The following SPAG17 variants were observed in gnomAD, a reference collection of about 807,000 sequenced individuals.
SPAG17 encodes the protein sperm-associated antigen 17.
SPAG17 carries 169 observed loss-of-function variants against 273.6 expected under a neutral mutation model. The ratio of observed to expected loss-of-function variants is 0.62; its 90% CI spans 0.55 to 0.70. The LOEUF is 0.70. Among genes scored for constraint, SPAG17 ranks in the 30% least tolerant of loss-of-function variants. The pLI, the probability that SPAG17 is intolerant of heterozygous loss-of-function variation, is 0.00. For synonymous variants in SPAG17, 825 were observed against 873.2 expected, an observed-to-expected ratio of 0.94 and a Z score of 0.97; for missense variants, 2,557 against 2,627.8, an observed-to-expected ratio of 0.97 and a Z score of 0.59.
intron 32 of SPAG17, among the ~76,000 whole-genome samples, chr1:117,998,880 G>A (rs186491959): frequency 7.9e-5 from 12 of 152,036 alleles, no homozygotes; most frequent in Middle Eastern, 3.4e-3. Context: ...GCACATGTGC[G>A]TGCAGGCTTG....
intron 1 of SPAG17, among the ~76,000 whole-genome samples, chr1:118,171,101 G>A (rs750861723): frequency 2.6e-5 from 4 of 152,116 alleles, no homozygotes; most frequent in African/African-American, 7.2e-5. Context: ...TATAATGAAG[G>A]CATGAGAATG....
intron 1 of SPAG17, among the ~76,000 whole-genome samples, chr1:118,175,574 C>CA (rs79880272): frequency 0.054 from 2,350 of 43,796 alleles, 23 homozygotes; most frequent in Admixed American, 0.07. Context: ...TTTCAAAGTA[C>CA]AAAAAAAAAA....
chr1:118,036,567 TTA>T (rs931658235), intron 24 of SPAG17: 1,137 of 306,892 alleles, frequency 3.7e-3, no homozygotes, highest in East Asian at 5.4e-3. Flanking sequence ...GTATAAAAGA[TTA>T]TATATATATA....
chr1:118,020,496 G>C (rs1439922642), intron 28 of SPAG17, among the ~76,000 whole-genome samples: 1 of 151,088 alleles, frequency 6.6e-6, no homozygotes, highest in African/African-American at 2.4e-5. Context: ...GGTTAAATTA[G>C]TGAAGATAGA....
chr1:118,147,019 T>C (rs1390771671), intron 3 of SPAG17, among the ~76,000 whole-genome samples: 1 of 152,204 alleles, frequency 6.6e-6, no homozygotes, highest in Non-Finnish European at 1.5e-5. Flanking sequence ...TCTTATACAC[T>C]TTACCTGTCT....
At chr1:118,062,831 A>T (rs1225456524) in intron 18 of SPAG17, among the ~76,000 whole-genome samples, 1 of 152,226 alleles carries the variant, frequency 6.6e-6, no homozygotes, top group Non-Finnish European at 1.5e-5. Context: ...CATTTAAAAA[A>T]CTGACTACAT....
At position 118,119,181 on chromosome 1, in the gene SPAG17, T is replaced by G. The variant is rs150944535; in HGVS notation, c.316-3740A>C. Among the ~76,000 whole-genome samples the G allele has an allele frequency of 1.4e-3, 219 of 152,100 alleles. 1 individual carries two copies. The highest frequency in any genetic ancestry group is 6.8e-3 in the Middle Eastern group (2 of 294). Reference sequence around the variant, plus strand: ...TATGCATATATGTGCATATATAAGATAGAGAGAGAGAGATAGAATGGACTC... The same window carrying G: ...TATGCATATATGTGCATATATAAGAGAGAGAGAGAGAGATAGAATGGACTC... On this transcript the variant is annotated intron_variant, in intron 3 of 48. Transcript: ENST00000336338.
intron 48 of SPAG17, chr1:117,962,424 A>T (rs1020875287): frequency 3.9e-5 from 6 of 152,170 alleles, no homozygotes; most frequent in African/African-American, 1.2e-4. Context: ...TATCTCTTGC[A>T]TATTGTGAAG....
At chr1:118,136,786 A>AGTGTGT (rs1189168115) in intron 3 of SPAG17, among the ~76,000 whole-genome samples, 104 of 126,450 alleles carry the variant, frequency 8.2e-4, no homozygotes, top group African/African-American at 3.0e-3. Context: ...AAAGGGGTAA[A>AGTGTGT]GTGTGTGTGT....
intron 32 of SPAG17, among the ~76,000 whole-genome samples, chr1:118,000,623 T>C (rs1440759948): frequency 6.6e-6 from 1 of 152,214 alleles, no homozygotes; most frequent in African/African-American, 2.4e-5. Context: ...GCTCTCCGCT[T>C]GTCTGTTATT....
At chr1:118,076,022 C>CTTA (rs762958561) in intron 15 of SPAG17, among the ~76,000 whole-genome samples, 32 of 151,956 alleles carry the variant, frequency 2.1e-4, no homozygotes, top group African/African-American at 6.5e-4. Context: ...GAAACTTCAT[C>CTTA]TTATTATTAT....
intron 1 of SPAG17, among the ~76,000 whole-genome samples, chr1:118,159,205 T>C (rs1659794864): frequency 6.6e-6 from 1 of 152,244 alleles, no homozygotes; most frequent in African/African-American, 2.4e-5. Flanking sequence ...ACATGGCTTA[T>C]ATTCACTGAT....
chr1:117,970,772 G>C (rs999447956), intron 45 of SPAG17, among the ~76,000 whole-genome samples: 9 of 152,088 alleles, frequency 5.9e-5, no homozygotes, highest in Non-Finnish European at 1.3e-4. Flanking sequence ...GCTCTATCGT[G>C]GCTGAATTAA....
chr1:118,172,990 C>T (rs973095359), intron 1 of SPAG17, among the ~76,000 whole-genome samples: 2 of 152,068 alleles, frequency 1.3e-5, no homozygotes, highest in Non-Finnish European at 2.9e-5. Context: ...ACTCATCTCT[C>T]TCTTCCCAGC....
intron 31 of SPAG17, 67 bp from the exon 32 acceptor site, chr1:118,005,669 C>A: frequency 8.5e-7 from 1 of 1,172,418 alleles, no homozygotes; most frequent in Non-Finnish European, 1.1e-6. Flanking sequence ...ACTTGGAAAA[C>A]CATTTTAGGA....
At chr1:118,008,251 C>T in intron 30 of SPAG17, 53 bp from the exon 31 acceptor site, 2 of 1,587,778 alleles carry the variant, frequency 1.3e-6, no homozygotes, top group Non-Finnish European at 1.7e-6. Context: ...CATTGCAAAA[C>T]AGACCTCAGC....
intron 48 of SPAG17, chr1:117,959,464 C>CT (rs749151249): frequency 0.025 from 26,679 of 1,055,540 alleles, no homozygotes; most frequent in South Asian, 0.045. Flanking sequence ...AATGTGGTAT[C>CT]TTTTTTTTTT....
chr1:118,086,092 T>C lies in SPAG17; in HGVS notation c.1612-20A>G. 1.2e-6 allele frequency: 2 copies of C among 1,612,706 alleles called. No homozygotes were observed. Among genetic ancestry groups the C allele is most frequent in the Non-Finnish European group, 1.7e-6 (2 of 1,179,520 alleles). ...TTGGTCCTGATGAAAAAGAGCAACA[T>C]GACAGAAGACATTAGAGTAAGCTGT... is the stretch of plus-strand genomic sequence containing the variant. On this transcript the variant is annotated intron_variant, in intron 12 of 48. Transcript: ENST00000336338.
At chr1:118,082,259 G>A (rs545660581) in intron 13 of SPAG17, among the ~76,000 whole-genome samples, 1 of 152,268 alleles carries the variant, frequency 6.6e-6, no homozygotes, top group South Asian at 2.1e-4. Context: ...TTTGTCACAG[G>A]TGCCTGGGAT....
Sources: allele counts gnomAD v4.1 joint callset (sites outside exome capture counted in the v4.1 genomes callset), GRCh38; gene constraint gnomAD v4.1.1; transcripts MANE v1.5; gene names NCBI Gene and HGNC (gene_info 2026-07-23, HGNC 2026-07-21).